Variants in FGF2 observed in about 807,000 individuals in gnomAD.
FGF2 encodes fibroblast growth factor 2.
In FGF2, 13 loss-of-function variants were observed where a neutral mutation model predicts 15.9. The ratio of observed to expected loss-of-function variants is 0.82; its 90% CI spans 0.53 to 1.30. FGF2 has a LOEUF of 1.30. FGF2 is among the 50% of genes most tolerant of loss of function. The pLI, the probability that FGF2 is intolerant of heterozygous loss-of-function variation, is 0.00. For missense variants in FGF2, 163 were observed against 196.9 expected (o/e 0.83, Z 1.03); for synonymous variants, 90 against 78.4 (o/e 1.15, Z -0.78).
In FGF2 at chr4:122,827,444, T is replaced by G; in HGVS notation, c.178+92T>G. 7.0e-7 allele frequency: 1 copy of G among 1,428,072 alleles called. No homozygotes were observed. The highest frequency in any genetic ancestry group is 9.8e-7 in the Non-Finnish European group (1 of 1,023,522). The allele number at this position is 1,428,072 out of a possible 1,614,324, so 88.5% of individuals were successfully genotyped here. Reference sequence around the variant, plus strand: ...CAGCCTGCACCCTCCTCCCGGATCTTCACTGCGACCCTAGCGCTCCGTGTG... The same window carrying G: ...CAGCCTGCACCCTCCTCCCGGATCTGCACTGCGACCCTAGCGCTCCGTGTG... On this transcript the variant is annotated intron_variant, in intron 1 of 2. Transcript: ENST00000644866. The surrounding 1 kb of genome is among the most constrained non-coding windows in gnomAD (Gnocchi z 4.2).
intron 1 of FGF2, among the ~76,000 whole-genome samples, chr4:122,873,590 G>A (rs1028319160): frequency 4.6e-5 from 7 of 152,156 alleles, no homozygotes; most frequent in Non-Finnish European, 1.0e-4. Context: ...AGATGAAGCA[G>A]CTATGCATCT....
At chr4:122,878,650 T>G (rs1726904410) in intron 2 of FGF2, among the ~76,000 whole-genome samples, 1 of 152,006 alleles carries the variant, frequency 6.6e-6, no homozygotes, top group Non-Finnish European at 1.5e-5. Flanking sequence ...CTGGCAGAAG[T>G]GTAGAGAATG....
At chr4:122,856,523 C>T (rs1726344427) in intron 1 of FGF2, among the ~76,000 whole-genome samples, 1 of 152,168 alleles carries the variant, frequency 6.6e-6, no homozygotes, top group African/African-American at 2.4e-5. Context: ...TGCTTAGCTT[C>T]TTTCTCTCAA....
At chr4:122,869,034 A>G (rs1726669376) in intron 1 of FGF2, among the ~76,000 whole-genome samples, 1 of 152,146 alleles carries the variant, frequency 6.6e-6, no homozygotes, top group Admixed American at 6.6e-5. Flanking sequence ...AGATGGGTAG[A>G]TTGCAGAAAT....
intron 1 of FGF2, among the ~76,000 whole-genome samples, chr4:122,856,685 A>G (rs535875595): frequency 1.3e-5 from 2 of 152,358 alleles, no homozygotes; most frequent in African/African-American, 4.8e-5. Context: ...AAAAGATAAT[A>G]CAGGCAGATT....
intron 1 of FGF2, among the ~76,000 whole-genome samples, chr4:122,842,935 A>C (rs1181219121): frequency 1.3e-5 from 2 of 152,226 alleles, no homozygotes; most frequent in African/African-American, 2.4e-5. Flanking sequence ...GATCAAACAC[A>C]TTATACCTCA....
At chr4:122,841,484 A>G (rs955540299) in intron 1 of FGF2, among the ~76,000 whole-genome samples, 1 of 152,196 alleles carries the variant, frequency 6.6e-6, no homozygotes, top group African/African-American at 2.4e-5. Context: ...TATTCCTCCA[A>G]CCTTTGGACA....
intron 1 of FGF2, among the ~76,000 whole-genome samples, chr4:122,861,674 A>G (rs1213535409): frequency 1.3e-5 from 2 of 152,030 alleles, no homozygotes; most frequent in African/African-American, 4.8e-5. Flanking sequence ...TCATGCTATT[A>G]CACACTACCA....
rs45593942 is a variant in FGF2 at position 122,897,858 on chromosome 4, C to G, written c.*5462C>G. ...CTCGTTTCTTCTTTTTTTGGGGGAG[C>G]TGGTAACTGATGAAATCTTTTCCCA... is the stretch of plus-strand genomic sequence containing the variant. On this transcript the variant is annotated 3_prime_UTR_variant, in exon 3 of 3. Coordinates refer to ENST00000644866, the MANE Select transcript of FGF2 (RefSeq NM_001361665.2). 9,303 of 583,872 alleles carry G rather than the reference C, an allele frequency of 0.016. 620 individuals carry two copies. The highest frequency in any genetic ancestry group is 0.15 in the African/African-American group (7,961 of 53,134). 36.2% of individuals were successfully genotyped at this position (583,872 alleles called of 1,614,324 possible).
chr4:122,829,108 G>A (rs1725708544), intron 1 of FGF2, among the ~76,000 whole-genome samples: 2 of 151,804 alleles, frequency 1.3e-5, no homozygotes, highest in Non-Finnish European at 2.9e-5. Context: ...TTTGATACCC[G>A]ATTCGCCTTA....
chr4:122,854,544 A>G (rs1324369919), intron 1 of FGF2, among the ~76,000 whole-genome samples: 1 of 152,172 alleles, frequency 6.6e-6, no homozygotes, highest in Non-Finnish European at 1.5e-5. Context: ...ATCCTGTTTT[A>G]TTCCTTTAAA....
intron 2 of FGF2, among the ~76,000 whole-genome samples, chr4:122,877,588 A>G (rs1369029587): frequency 2.0e-5 from 3 of 152,232 alleles, no homozygotes; most frequent in Admixed American, 6.5e-5. Flanking sequence ...GAAAATAAAT[A>G]TAAAAGACAG....
intron 1 of FGF2, among the ~76,000 whole-genome samples, chr4:122,847,227 T>C (rs2150769352): frequency 6.6e-6 from 1 of 152,346 alleles, no homozygotes; most frequent in South Asian, 2.1e-4. Context: ...GTATTTACTT[T>C]TCTAAGGTGA....
rs979153928 is a variant in FGF2, at chr4:122,826,865, C to G, written c.-310C>G. On this transcript the variant is annotated 5_prime_UTR_variant, in exon 1 of 3. Transcript: ENST00000644866. ...GCGGACGCGGTGCCCGCGGTTGCAA[C>G]GGGATCCCGGGCGCTGCAGCTTGGG... 1.3e-6 allele frequency: 2 copies of G among 1,515,702 alleles called. No homozygotes were observed. The highest frequency in any genetic ancestry group is 8.8e-7 in the Non-Finnish European group (1 of 1,132,614). The allele number at this position is 1,515,702 out of a possible 1,614,324, so 93.9% of individuals were successfully genotyped here. A position where few individuals can be genotyped will look rare whatever the true frequency, so the allele number is the denominator to read the frequency against.
intron 1 of FGF2, among the ~76,000 whole-genome samples, chr4:122,874,090 G>T (rs189344985): frequency 1.2e-4 from 18 of 152,174 alleles, no homozygotes; most frequent in Admixed American, 1.2e-3. Context: ...GGGACAGAAA[G>T]AAAGTATAGC....
chr4:122,847,489 T>C (rs1247478364), intron 1 of FGF2, among the ~76,000 whole-genome samples: 3 of 152,284 alleles, frequency 2.0e-5, no homozygotes, highest in Admixed American at 2.0e-4. Context: ...GACCTTGCTA[T>C]GTGGAATAGG....
At chr4:122,861,974 T>C (rs183070599) in intron 1 of FGF2, among the ~76,000 whole-genome samples, 7 of 152,340 alleles carry the variant, frequency 4.6e-5, no homozygotes, top group Admixed American at 1.3e-4. Context: ...AGATGTATTC[T>C]CTGAGTGCTC....
chr4:122,843,200 G>A (rs1434779460), intron 1 of FGF2, among the ~76,000 whole-genome samples: 2 of 152,210 alleles, frequency 1.3e-5, no homozygotes, highest in Non-Finnish European at 2.9e-5. Context: ...GTCATAAAAG[G>A]CTTCAAACAG....
intron 2 of FGF2, chr4:122,888,974 A>C (rs887979144): frequency 2.6e-5 from 4 of 152,168 alleles, no homozygotes; most frequent in African/African-American, 9.7e-5. Context: ...AAAAAAATAT[A>C]TAGATTGAAT....
Sources: gnomAD v4.1 joint callset for allele counts (sites outside exome capture counted in the v4.1 genomes callset) on GRCh38, gnomAD v4.1.1 for gene constraint, Gnocchi (gnomAD v3.1) non-coding constraint, MANE v1.5 for transcripts, NCBI Gene and HGNC (gene_info 2026-07-23, HGNC 2026-07-21) for gene names.